UTRN: variants seen among roughly 807,000 people sequenced by gnomAD.
UTRN encodes dystrophin-related protein 1.
In UTRN, 283 loss-of-function variants were observed where a neutral mutation model predicts 463.9. The ratio of observed to expected loss-of-function variants is 0.61; its 90% confidence interval spans 0.55 to 0.67. The LOEUF is 0.67. Ranked by LOEUF, UTRN falls within the 30% of genes least tolerant of loss-of-function variation. The probability of loss-of-function intolerance (pLI) is 0.00; values close to 1 mark genes in which losing one functional copy is unlikely to be tolerated. For missense variants in UTRN, 3,922 were observed against 4,084.3 expected (o/e 0.96, Z 1.08); for synonymous variants, 1,442 against 1,431.5 (o/e 1.01, Z -0.17).
Position 144,513,932 on chromosome 6 carries a change from A to G in UTRN, c.4968A>G (p.Ile1656Met), listed in dbSNP as rs766042262. Residue 1656 changes from isoleucine to methionine, a missense_variant, in exon 36 of 75, where the codon ATA becomes ATG. This residue lies in a region of UTRN where 2,349 missense variants were observed against 2,303.8 expected (regional missense o/e 1.02). Transcript: ENST00000367545. ...AGAACCATCAGAACCAGCTAGAAAT[A>G]TTTGATGGGAACGTGGCTCACATAA... is the stretch of plus-strand genomic sequence containing the variant. Reference protein sequence around the residue: ...TLMNHQNQLEIFDGNVAHIST... With the variant: ...TLMNHQNQLEMFDGNVAHIST... 2 of 1,613,846 alleles carry G rather than the reference A, an allele frequency of 1.2e-6. No homozygotes were observed. The highest frequency in any genetic ancestry group is 2.2e-5 in the East Asian group (1 of 44,842).
rs548120674 is a variant in UTRN at position 144,690,133 on chromosome 6, A to G, written c.7653-9954A>G. Among the ~76,000 whole-genome samples the G allele has an allele frequency of 8.5e-4, 72 of 84,538 alleles. 1 individual carries two copies. The highest frequency in any genetic ancestry group is 3.8e-3 in the African/African-American group (70 of 18,574). The allele number at this position is 84,538 out of a possible 152,430, so 55.5% of individuals were successfully genotyped here. Reference sequence around the variant, plus strand: ...TGTGTGTGTGTGTGTGTGTGTGTTAAGCTACCAGGAGGAGTGAAGGGGCAA... The same window carrying G: ...TGTGTGTGTGTGTGTGTGTGTGTTAGGCTACCAGGAGGAGTGAAGGGGCAA... On this transcript the variant is annotated intron_variant, in intron 52 of 74. Coordinates refer to ENST00000367545, the MANE Select transcript of UTRN (RefSeq NM_007124.3).
intron 51 of UTRN, among the ~76,000 whole-genome samples, chr6:144,614,044 CT>C (rs1805807172): frequency 6.6e-6 from 1 of 151,748 alleles, no homozygotes; most frequent in South Asian, 2.1e-4. Context: ...GAGTCAGAGC[CT>C]TTTTTTTCCT....
At chr6:144,495,510 C>T (rs931988693) in intron 33 of UTRN, among the ~76,000 whole-genome samples, 31 of 152,330 alleles carry the variant, frequency 2.0e-4, no homozygotes, top group South Asian at 4.1e-4. Flanking sequence ...CCCCGGTTCC[C>T]GCTCGCGCCT....
intron 64 of UTRN, among the ~76,000 whole-genome samples, chr6:144,800,123 T>G (rs1451062488): frequency 6.6e-6 from 1 of 152,176 alleles, no homozygotes; most frequent in African/African-American, 2.4e-5. Flanking sequence ...AGAGATGCCA[T>G]GAGGGACCAT....
chr6:144,464,048 G>A (rs1014976022), intron 23 of UTRN, among the ~76,000 whole-genome samples: 1 of 151,064 alleles, frequency 6.6e-6, no homozygotes, highest in African/African-American at 2.4e-5. Context: ...ACATATATTT[G>A]GATCTAGATC....
At chr6:144,289,305 A>T (rs890337991) in intron 1 of UTRN, among the ~76,000 whole-genome samples, 96 of 152,300 alleles carry the variant, frequency 6.3e-4, no homozygotes, top group African/African-American at 2.0e-3. Flanking sequence ...TCTCATATCC[A>T]ATCAATTCCC....
intron 51 of UTRN, among the ~76,000 whole-genome samples, chr6:144,643,825 G>A (rs1778020574): frequency 6.6e-6 from 1 of 151,966 alleles, no homozygotes; most frequent in Non-Finnish European, 1.5e-5. Flanking sequence ...TAATTTTGCT[G>A]AGGTGGTCCT....
Position 144,442,897 on chromosome 6 carries a change from A to G in UTRN, c.1513-1384A>G, listed in dbSNP as rs367668605. 2.0e-4 allele frequency among the ~76,000 whole-genome samples: 31 copies of G among 152,342 alleles called. No individual in the cohort carries two copies. In the East Asian group the frequency reaches 2.5e-3, roughly 12 times the overall value. On this transcript the variant is annotated intron_variant, in intron 13 of 74. Transcript: ENST00000367545. ...GGAGCTTGTTAAAATGTAGATTCCT[A>G]GGCTCTACCCACTACCTAAATCTAG...
chr6:144,437,063 C>T (rs1413972652), intron 10 of UTRN, among the ~76,000 whole-genome samples: 2 of 151,512 alleles, frequency 1.3e-5, no homozygotes, highest in Non-Finnish European at 2.9e-5. Context: ...AGTGATTCTC[C>T]TGCATCAGCC....
At chr6:144,737,532 TTTATA>T (rs1392447039) in intron 54 of UTRN, among the ~76,000 whole-genome samples, 3 of 152,166 alleles carry the variant, frequency 2.0e-5, no homozygotes, top group African/African-American at 7.2e-5. Context: ...GGCATAGGAA[TTTATA>T]TTATATTTTA....
At chr6:144,771,785 T>A in intron 58 of UTRN, 122 bp from the exon 59 acceptor site, 1 of 713,216 alleles carries the variant, frequency 1.4e-6, no homozygotes, top group Non-Finnish European at 2.2e-6. Context: ...ATAATGAGGA[T>A]AATTTTGCAT....
chr6:144,447,169 A>C (rs1421499049), intron 14 of UTRN, 42 bp from the exon 15 acceptor site: 1 of 1,563,132 alleles, frequency 6.4e-7, no homozygotes, highest in Non-Finnish European at 8.8e-7. Context: ...GAATTACCAA[A>C]TGATTTTGCA....
intron 51 of UTRN, among the ~76,000 whole-genome samples, chr6:144,657,080 G>A (rs1411167995): frequency 1.3e-5 from 2 of 151,916 alleles, no homozygotes; most frequent in African/African-American, 2.4e-5. Flanking sequence ...GAGAAATCCC[G>A]TCTCTACTAA....
At chr6:144,516,460 A>G in intron 38 of UTRN, 73 bp downstream of exon 38, 3 of 1,471,998 alleles carry the variant, frequency 2.0e-6, no homozygotes, top group South Asian at 1.3e-5. Flanking sequence ...TTACATCAAG[A>G]TGTTTGCCCA....
At chr6:144,352,468 T>C (rs1778191557) in intron 2 of UTRN, among the ~76,000 whole-genome samples, 1 of 152,254 alleles carries the variant, frequency 6.6e-6, no homozygotes, top group Non-Finnish European at 1.5e-5. Flanking sequence ...ATGGACATTT[T>C]GCAAGTTGGT....
rs1211277568 is a variant in UTRN, at chr6:144,516,800, TA to T, written c.5404-6del. 2.1e-6 allele frequency: 3 copies of T among 1,442,736 alleles called. No individual in the cohort carries two copies. Among genetic ancestry groups the T allele is most frequent in the African/African-American group, 3.0e-5 (2 of 67,638 alleles). The allele number at this position is 1,442,736 out of a possible 1,614,324, so 89.4% of individuals were successfully genotyped here. A position where few individuals can be genotyped will look rare whatever the true frequency, so the allele number is the denominator to read the frequency against. On this transcript the variant is annotated splice_polypyrimidine_tract_variant and intron_variant, in intron 38 of 74. Transcript: ENST00000367545. Reference sequence around the variant, plus strand: ...TTTTGAGTCATTTTTTTTTTCCTTTTAAAAATTTAGATGGATGAGGAGAGTG... The same window carrying T: ...TTTTGAGTCATTTTTTTTTTCCTTTTAAAATTTAGATGGATGAGGAGAGTG...
rs150084858 is a variant in UTRN at position 144,444,312 on chromosome 6, G to A, written c.1544G>A (p.Arg515His). ...KLGERWTAVC[R>H]WTEERWNRLQ... is the part of the protein sequence containing the mutation. ...GGTGAGCGCTGGACAGCAGTATGCC[G>A]TTGGACTGAAGAACGCTGGAATAGG... Residue 515 changes from arginine to histidine, a missense_variant, in exon 14 of 75, where the codon CGT becomes CAT. By Grantham distance (29) the Arg-to-His change is conservative. Coordinates refer to ENST00000367545, the MANE Select transcript of UTRN (RefSeq NM_007124.3). 267 of 1,611,610 alleles carry A rather than the reference G, an allele frequency of 1.7e-4. 1 individual carries two copies. The highest frequency in any genetic ancestry group is 2.5e-4 in the East Asian group (11 of 44,658).
chr6:144,347,849 TG>T lies in UTRN; in HGVS notation c.80-55273del, dbSNP rs869080626. Among the ~76,000 whole-genome samples the T allele has an allele frequency of 4.4e-4, 62 of 141,836 alleles. 2 individuals carry two copies. Among genetic ancestry groups the T allele is most frequent in the African/African-American group, 1.8e-3 (57 of 32,490 alleles). 93.0% of individuals were successfully genotyped at this position (141,836 alleles called of 152,430 possible). ...TGGCTTATTCTTTGTTTTTTTTTTT[TG>T]TTTTTTTTTTTGAGACTAAGTCTCG... is the stretch of plus-strand genomic sequence containing the variant. On this transcript the variant is annotated intron_variant, in intron 2 of 74. Coordinates refer to ENST00000367545, the MANE Select transcript of UTRN (RefSeq NM_007124.3).
chr6:144,437,456 C>T (rs1339913955), intron 10 of UTRN, 109 bp from the exon 11 acceptor site: 1 of 1,143,880 alleles, frequency 8.7e-7, no homozygotes, highest in African/African-American at 1.6e-5. Flanking sequence ...TACTAGGCTA[C>T]CTTTTTCTGC....
Sources: gnomAD v4.1 joint callset for allele counts (sites outside exome capture counted in the v4.1 genomes callset) on GRCh38, gnomAD v4.1.1 for gene constraint, gnomAD v4.1.1 regional missense constraint, MANE v1.5 for transcripts, NCBI Gene and HGNC (gene_info 2026-07-23, HGNC 2026-07-21) for gene names.